The following NAALADL2 variants were observed in gnomAD, a reference collection of about 807,000 sequenced individuals.
NAALADL2 encodes N-acetylated alpha-linked acidic dipeptidase like 2, also known as inactive N-acetylated-alpha-linked acidic dipeptidase-like protein 2.
Under a neutral mutation model 87.2 loss-of-function variants are expected in NAALADL2, and 76 were observed. The observed-to-expected ratio is 0.87, with a 90% confidence interval of 0.72 to 1.05. The LOEUF (loss-of-function observed/expected upper bound fraction) is 1.05, where lower values mean the gene tolerates loss of function less well. Among genes scored for constraint, NAALADL2 ranks in the 50% least tolerant of loss-of-function variants. The pLI is 0.00. For synonymous variants in NAALADL2, 354 were observed against 331.0 expected (o/e 1.07, Z -0.75); for missense variants, 1,089 against 945.8 (o/e 1.15, Z -1.99).
chr3:175,611,463 C>A (rs1724641344), intron 10 of NAALADL2, among the ~76,000 whole-genome samples: 1 of 151,714 alleles, frequency 6.6e-6, no homozygotes, highest in South Asian at 2.1e-4. Flanking sequence ...ATTGAGAGAC[C>A]TGAGGGCAGC....
At chr3:174,958,788 A>T (rs1382788692) in intron 1 of NAALADL2, among the ~76,000 whole-genome samples, 1 of 152,098 alleles carries the variant, frequency 6.6e-6, no homozygotes, top group Admixed American at 6.6e-5. Flanking sequence ...GCTTACATTC[A>T]ATCAGTGCGA....
At chr3:175,256,769 T>C (rs865971653) in intron 4 of NAALADL2, 14 of 273,374 alleles carry the variant, frequency 5.1e-5, no homozygotes, top group Middle Eastern at 2.2e-3. Context: ...AGAGAGAAAA[T>C]ACCTTAAGTC....
chr3:174,905,252 T>C (rs1209871705), intron 1 of NAALADL2, among the ~76,000 whole-genome samples: 1 of 150,156 alleles, frequency 6.7e-6, no homozygotes, highest in Non-Finnish European at 1.5e-5. Flanking sequence ...TGTTGTATCA[T>C]TTAACTTAGT....
intron 9 of NAALADL2, among the ~76,000 whole-genome samples, chr3:175,542,232 T>C (rs1347568012): frequency 6.6e-6 from 1 of 152,244 alleles, no homozygotes; most frequent in Non-Finnish European, 1.5e-5. Context: ...TTTAATGTTT[T>C]AATGAACTAA....
intron 4 of NAALADL2, among the ~76,000 whole-genome samples, chr3:175,279,070 C>A (rs1443933051): frequency 6.6e-6 from 1 of 152,106 alleles, no homozygotes; most frequent in African/African-American, 2.4e-5. Context: ...TATTTTCAAG[C>A]ATGTGCAAAT....
intron 5 of NAALADL2, among the ~76,000 whole-genome samples, chr3:175,327,148 C>CTCTTTTTTTTTTTTTTTTTT (rs1760811308): frequency 4.0e-5 from 4 of 99,504 alleles, no homozygotes; most frequent in African/African-American, 1.7e-4. Context: ...GTCTACATTT[C>CTCTTTTTTTTTTTTTTTTTT]TTTTTTTTTT....
At chr3:174,730,786 C>T (rs1023388520) in intron 2 of NAALADL2, among the ~76,000 whole-genome samples, 1 of 151,926 alleles carries the variant, frequency 6.6e-6, no homozygotes, top group African/African-American at 2.4e-5. Context: ...AAGACTGAGA[C>T]AAAAGTCTTT....
chr3:174,452,745 A>C (rs1434667456), intron 1 of NAALADL2, among the ~76,000 whole-genome samples: 1 of 151,896 alleles, frequency 6.6e-6, no homozygotes, highest in Non-Finnish European at 1.5e-5. Context: ...CCTCAAGGTC[A>C]TCAAATAGCA....
At chr3:175,101,753 T>C (rs567993256) in intron 2 of NAALADL2, among the ~76,000 whole-genome samples, 1 of 152,332 alleles carries the variant, frequency 6.6e-6, no homozygotes, top group African/African-American at 2.4e-5. Flanking sequence ...TAGTTTATTT[T>C]TGAAGGCAGG....
chr3:174,903,085 T>A (rs745586847), intron 1 of NAALADL2, among the ~76,000 whole-genome samples: 5 of 152,108 alleles, frequency 3.3e-5, no homozygotes, highest in Non-Finnish European at 7.4e-5. Flanking sequence ...ATAGCCACTA[T>A]ATTCATAAGG....
intron 2 of NAALADL2, among the ~76,000 whole-genome samples, chr3:175,216,476 A>G (rs930837944): frequency 1.5e-4 from 23 of 152,072 alleles, no homozygotes; most frequent in African/African-American, 4.3e-4. Flanking sequence ...TTCTAAGGTC[A>G]GAGATCACAT....
chr3:174,820,480 C>T (rs1432912090), intron 3 of NAALADL2, among the ~76,000 whole-genome samples: 1 of 151,826 alleles, frequency 6.6e-6, no homozygotes, highest in African/African-American at 2.4e-5. Context: ...TGTAGTGGTC[C>T]TATAAACAGT....
chr3:175,403,268 C>T (rs961395463), intron 5 of NAALADL2, among the ~76,000 whole-genome samples: 5 of 152,030 alleles, frequency 3.3e-5, no homozygotes, highest in African/African-American at 9.7e-5. Context: ...TTCACAATTT[C>T]AGAGTCTTTT....
At chr3:175,633,296 C>T (rs943206483) in intron 11 of NAALADL2, among the ~76,000 whole-genome samples, 4 of 152,032 alleles carry the variant, frequency 2.6e-5, no homozygotes, top group African/African-American at 9.7e-5. Flanking sequence ...CTTTAGTCTA[C>T]TTTTAACAGA....
rs1204933002 is a variant in NAALADL2, at chr3:175,505,498, C to G, written c.1653+33740C>G. 3.3e-5 allele frequency among the ~76,000 whole-genome samples: 5 copies of G among 152,168 alleles called. No individual in the cohort carries two copies. In the East Asian group the frequency reaches 9.7e-4, roughly 29 times the overall value. ...TAGCAAAAGATAAAAAGAATAGACACTACTTGTAGGAATGAAAAAGTCTAG... is the reference window on the plus strand; with the variant it reads ...TAGCAAAAGATAAAAAGAATAGACAGTACTTGTAGGAATGAAAAAGTCTAG... On this transcript the variant is annotated intron_variant, in intron 9 of 13. Transcript: ENST00000454872.
Position 174,661,547 on chromosome 3 carries a change from CTTCTTCT to C in NAALADL2, c.-114-76080_-114-76074del, listed in dbSNP as rs151292411. On this transcript the variant is annotated intron_variant, in intron 2 of 3. Transcript: ENST00000434257. ...CCTGCAAATGACACTGATGCTTCTT[CTTCTTCT>C]TTCTTCTTTCTTCGTCTGTCTTCCT... Among the ~76,000 whole-genome samples, 7 of 151,938 alleles carry C rather than the reference CTTCTTCT, an allele frequency of 4.6e-5. No individual in the cohort carries two copies. In the South Asian group the frequency reaches 8.3e-4, roughly 18 times the overall value.
chr3:174,790,129 G>A (rs753070193), intron 3 of NAALADL2, among the ~76,000 whole-genome samples: 35 of 152,300 alleles, frequency 2.3e-4, no homozygotes, highest in South Asian at 4.1e-4. Context: ...CGATGAAGTG[G>A]GGTTTCTTGG....
rs182129368 is a variant in NAALADL2, at chr3:174,930,505, C to T, written c.43+71055C>T. ...GATAGCCTTAAACAAAGCCCTTTAA[C>T]CCAGGTGGAAAAATAAAAATACAGC... On this transcript the variant is annotated intron_variant, in intron 1 of 13. Transcript: ENST00000454872. Among the ~76,000 whole-genome samples the T allele has an allele frequency of 3.0e-3, 448 of 150,716 alleles. 3 individuals are homozygous for T. The highest frequency in any genetic ancestry group is 0.01 in the African/African-American group (417 of 41,010).
At chr3:175,781,812 T>C (rs1470244862) in intron 13 of NAALADL2, among the ~76,000 whole-genome samples, 1 of 152,068 alleles carries the variant, frequency 6.6e-6, no homozygotes, top group Non-Finnish European at 1.5e-5. Context: ...CTGCACCCAC[T>C]AACTCGTCAT....
Sources: allele counts gnomAD v4.1 joint callset (sites outside exome capture counted in the v4.1 genomes callset), GRCh38; gene constraint gnomAD v4.1.1; transcripts MANE v1.5; gene names NCBI Gene and HGNC (gene_info 2026-07-23, HGNC 2026-07-21).